VGLL4: variants seen among roughly 807,000 people sequenced by gnomAD.
VGLL4 encodes the protein vestigial like family member 4.
VGLL4 carries 7 observed loss-of-function variants against 21.0 expected under a neutral mutation model. That is an observed-to-expected ratio of 0.33 (90% CI 0.19 to 0.63). The LOEUF (loss-of-function observed/expected upper bound fraction) is 0.63. Among genes scored for constraint, VGLL4 ranks in the 20% least tolerant of loss-of-function variants. The pLI is 0.78. For missense variants in VGLL4, 394 were observed against 425.7 expected (o/e 0.93, Z 0.66); for synonymous variants, 222 against 173.2 (o/e 1.28, Z -2.21).
At chr3:11,628,472 T>A (rs1021028773) in intron 1 of VGLL4, among the ~76,000 whole-genome samples, 11 of 151,950 alleles carry the variant, frequency 7.2e-5, no homozygotes, top group Non-Finnish European at 1.2e-4. Context: ...ATAAAATTTA[T>A]CAAAAAAAGT....
intron 2 of VGLL4, among the ~76,000 whole-genome samples, chr3:11,583,646 C>T (rs2074292204): frequency 1.3e-5 from 2 of 152,138 alleles, no homozygotes; most frequent in East Asian, 1.9e-4. Flanking sequence ...GAAGACAACC[C>T]GGGAAGGAGT....
intron 2 of VGLL4, among the ~76,000 whole-genome samples, chr3:11,600,899 G>C (rs962929887): frequency 5.9e-5 from 9 of 152,148 alleles, no homozygotes; most frequent in African/African-American, 2.2e-4. Context: ...CACACACAAA[G>C]CTACTCCCTC....
intron 4 of VGLL4, 66 bp from the exon 5 acceptor site, chr3:11,558,893 G>A: frequency 6.4e-7 from 1 of 1,566,360 alleles, no homozygotes; most frequent in Non-Finnish European, 8.7e-7. Context: ...CACGGTTGCA[G>A]CACCCTCCCT....
At chr3:11,603,077 G>A (rs1211158422) in intron 1 of VGLL4, among the ~76,000 whole-genome samples, 1 of 152,158 alleles carries the variant, frequency 6.6e-6, no homozygotes, top group Non-Finnish European at 1.5e-5. Context: ...CCTAAGAAAA[G>A]GAATCTTTGT....
At chr3:11,673,045 A>T (rs1457360017) in intron 2 of VGLL4, among the ~76,000 whole-genome samples, 1 of 152,212 alleles carries the variant, frequency 6.6e-6, no homozygotes, top group Non-Finnish European at 1.5e-5. Flanking sequence ...ACAAACAGTC[A>T]GCCCTCAGAG....
At chr3:11,712,217 T>C (rs187938216) in intron 1 of VGLL4, among the ~76,000 whole-genome samples, 94 of 152,338 alleles carry the variant, frequency 6.2e-4, no homozygotes, top group African/African-American at 2.0e-3. Flanking sequence ...CAACAATCCC[T>C]GAAAGCCTAT....
At chr3:11,606,391 C>G (rs1234869199) in intron 1 of VGLL4, among the ~76,000 whole-genome samples, 1 of 152,196 alleles carries the variant, frequency 6.6e-6, no homozygotes, top group Non-Finnish European at 1.5e-5. Flanking sequence ...ATACCACTAA[C>G]ACCTGTTAGG....
At chr3:11,652,075 T>G (rs1249761979) in intron 2 of VGLL4, among the ~76,000 whole-genome samples, 4 of 152,216 alleles carry the variant, frequency 2.6e-5, no homozygotes, top group African/African-American at 9.6e-5. Flanking sequence ...TTCAAAAACT[T>G]TAAATGGGTC....
chr3:11,569,017 G>C, intron 2 of VGLL4: 10 of 907,994 alleles, frequency 1.1e-5, no homozygotes, highest in Admixed American at 1.0e-4. Flanking sequence ...AGCTTTCTGA[G>C]TACTGAAAGC....
At chr3:11,601,051 C>A (rs529525005) in intron 2 of VGLL4, among the ~76,000 whole-genome samples, 1 of 152,128 alleles carries the variant, frequency 6.6e-6, no homozygotes, top group Non-Finnish European at 1.5e-5. Context: ...TCTCCCTCTG[C>A]GAGGAGGGTG....
chr3:11,616,343 T>C (rs1204597188), intron 1 of VGLL4, among the ~76,000 whole-genome samples: 2 of 151,556 alleles, frequency 1.3e-5, no homozygotes. Context: ...ACAAGCATCC[T>C]GCGTTATGGC....
chr3:11,566,943 G>T (rs2073561322), intron 2 of VGLL4, among the ~76,000 whole-genome samples: 1 of 152,184 alleles, frequency 6.6e-6, no homozygotes, highest in African/African-American at 2.4e-5. Flanking sequence ...AGGTATCGTG[G>T]AGTGGAACTG....
At chr3:11,693,566 T>A (rs998746720) in intron 2 of VGLL4, among the ~76,000 whole-genome samples, 12 of 152,148 alleles carry the variant, frequency 7.9e-5, no homozygotes, top group African/African-American at 2.4e-4. Flanking sequence ...CAAAGTGGGA[T>A]CTCGTTACCT....
In VGLL4 at chr3:11,601,913, G is replaced by T. The variant is rs2074809261; in HGVS notation, c.192C>A (p.Phe64Leu). The change falls in exon 2 of 5, where the codon TTC becomes TTA. Residue 64 changes from phenylalanine (F) to leucine (L), a missense_variant. Phe to Leu is a conservative substitution (Grantham distance 22, BLOSUM62 0). Coordinates refer to ENST00000430365, the MANE Select transcript of VGLL4 (RefSeq NM_001128219.3). The stretch of plus-strand genomic sequence containing the variant: ...GGTCCTCGTCACCTGGCTCCATGCT[G>T]AACTTCCTCTTGCTGGGGCTGATTG... The part of the protein sequence containing the change: ...PPPISPSKRK[F>L]SMEPGDEDLD... 3 of 1,613,880 alleles carry T rather than the reference G, an allele frequency of 1.9e-6. No individual in the cohort carries two copies. The highest frequency in any genetic ancestry group is 2.2e-5 in the South Asian group (2 of 91,060).
At chr3:11,574,904 T>A (rs1575401410) in intron 2 of VGLL4, among the ~76,000 whole-genome samples, 2 of 150,842 alleles carry the variant, frequency 1.3e-5, no homozygotes, top group East Asian at 4.0e-4. Flanking sequence ...AAGAGCCCCA[T>A]CTTATGCGCC....
Position 11,558,844 on chromosome 3 carries a change from A to C in VGLL4, c.620-17T>G. ...TGGTGGCAGCTGCAGGCAAGCAGGA[A>C]GGCAGGCAGTCAGACACAGGTGGCT... On this transcript the variant is annotated splice_polypyrimidine_tract_variant and intron_variant, in intron 4 of 4. Transcript: ENST00000430365. 1 of 1,608,398 alleles carries C rather than the reference A, an allele frequency of 6.2e-7. No individual in the cohort carries two copies. The highest frequency in any genetic ancestry group is 8.5e-7 in the Non-Finnish European group (1 of 1,176,570).
intron 2 of VGLL4, among the ~76,000 whole-genome samples, chr3:11,575,938 G>C (rs1348462250): frequency 6.6e-6 from 1 of 152,238 alleles, no homozygotes; most frequent in East Asian, 1.9e-4. Context: ...CAGCAGCGCG[G>C]AGCCCGTCCA....
intron 2 of VGLL4, among the ~76,000 whole-genome samples, chr3:11,676,411 TAA>T (rs1310349004): frequency 1.7e-4 from 5 of 29,306 alleles, no homozygotes; most frequent in African/African-American, 4.2e-4. Flanking sequence ...AAAAAAAAAA[TAA>T]AATAATAATA....
At chr3:11,595,613 T>C (rs1447748291) in intron 2 of VGLL4, among the ~76,000 whole-genome samples, 2 of 152,020 alleles carry the variant, frequency 1.3e-5, no homozygotes, top group Non-Finnish European at 2.9e-5. Flanking sequence ...TAGACTGGAT[T>C]AAGAAAATGT....
Sources: gnomAD v4.1 joint callset for allele counts (sites outside exome capture counted in the v4.1 genomes callset) on GRCh38, gnomAD v4.1.1 for gene constraint, MANE v1.5 for transcripts, NCBI Gene and HGNC (gene_info 2026-07-23, HGNC 2026-07-21) for gene names.